Variants in DLEU7 observed in about 807,000 individuals in gnomAD.
The protein encoded by DLEU7 is deleted in lymphocytic leukemia 7.
DLEU7 carries 17 observed loss-of-function variants against 16.0 expected under a neutral mutation model. That is an observed-to-expected ratio of 1.06 (90% CI 0.73 to 1.59). The LOEUF is 1.59. Ranked by LOEUF, DLEU7 falls within the 40% of genes most tolerant of loss-of-function variation. DLEU7 has a pLI of 0.00. For missense variants in DLEU7, 308 were observed against 314.9 expected (o/e 0.98, Z 0.17); for synonymous variants, 113 against 139.8 (o/e 0.81, Z 1.35).
At chr13:50,810,026 T>C (rs1314197070) in intron 1 of DLEU7, among the ~76,000 whole-genome samples, 1 of 29,590 alleles carries the variant, frequency 3.4e-5, no homozygotes, top group African/African-American at 1.2e-4. Context: ...GGGGTAGCAC[T>C]TTTTTTTTTT....
At chr13:50,820,553 G>C (rs1037397259), downstream of DLEU7, among the ~76,000 whole-genome samples, 2 of 152,106 alleles carry the variant, frequency 1.3e-5, no homozygotes, top group African/African-American at 2.4e-5. Flanking sequence ...AGATCTGCTA[G>C]GGAGACGAGG....
chr13:50,763,916 CT>C (rs1270411790), intron 1 of DLEU7, among the ~76,000 whole-genome samples: 1 of 152,204 alleles, frequency 6.6e-6, no homozygotes, highest in Non-Finnish European at 1.5e-5. Flanking sequence ...GTGAAAACAC[CT>C]GATAAATGTC....
chr13:50,836,606 A>G (rs974247528), intron 1 of DLEU7, among the ~76,000 whole-genome samples: 1 of 151,994 alleles, frequency 6.6e-6, no homozygotes, highest in Non-Finnish European at 1.5e-5. Context: ...CCCAGGAGGC[A>G]GAGCTTGCAG....
chr13:50,761,050 A>C (rs1874913739), intron 1 of DLEU7, among the ~76,000 whole-genome samples: 1 of 152,198 alleles, frequency 6.6e-6, no homozygotes. Flanking sequence ...CATGTGGTCC[A>C]CACTGTATTT....
intron 1 of DLEU7, among the ~76,000 whole-genome samples, chr13:50,786,837 T>G (rs1392885247): frequency 6.6e-6 from 1 of 152,176 alleles, no homozygotes; most frequent in East Asian, 1.9e-4. Context: ...AGGATAAGAT[T>G]GCCAGGTTAG....
chr13:50,829,932 A>T (rs1877209156), intron 1 of DLEU7, among the ~76,000 whole-genome samples: 1 of 152,188 alleles, frequency 6.6e-6, no homozygotes, highest in Non-Finnish European at 1.5e-5. Context: ...TAAATGGCTC[A>T]TGGGCTTTCA....
chr13:50,779,617 T>C (rs1312574115), intron 1 of DLEU7, among the ~76,000 whole-genome samples: 1 of 152,092 alleles, frequency 6.6e-6, no homozygotes, highest in Non-Finnish European at 1.5e-5. Context: ...TGCAGCCCCA[T>C]GCTTATCAAG....
At chr13:50,720,937 G>T (rs1481851489) in intron 1 of DLEU7, among the ~76,000 whole-genome samples, 23 of 152,124 alleles carry the variant, frequency 1.5e-4, no homozygotes, top group Admixed American at 1.5e-3. Flanking sequence ...GGTTAATATT[G>T]AATGTCAACT....
At chr13:50,824,968 T>A (rs562776050) in intron 1 of DLEU7, among the ~76,000 whole-genome samples, 1 of 152,322 alleles carries the variant, frequency 6.6e-6, no homozygotes, top group East Asian at 1.9e-4. Flanking sequence ...ATCAGCAGTC[T>A]CCAACATTTT....
chr13:50,777,933 G>A (rs371747605), intron 1 of DLEU7, among the ~76,000 whole-genome samples: 4 of 152,140 alleles, frequency 2.6e-5, no homozygotes, highest in African/African-American at 7.2e-5. Flanking sequence ...GAACACCGCA[G>A]TGGGCATCAG....
chr13:50,719,256 C>T (rs2137704687), intron 1 of DLEU7, among the ~76,000 whole-genome samples: 1 of 152,274 alleles, frequency 6.6e-6, no homozygotes, highest in Non-Finnish European at 1.5e-5. Context: ...ACTATCAGGA[C>T]TCTAGCCAGC....
intron 1 of DLEU7, among the ~76,000 whole-genome samples, chr13:50,791,117 A>G (rs994394594): frequency 6.6e-6 from 1 of 152,140 alleles, no homozygotes; most frequent in Non-Finnish European, 1.5e-5. Flanking sequence ...ACCATCATGC[A>G]TCCAACCTGT....
At chr13:50,816,745 G>T (rs921149714) in intron 1 of DLEU7, among the ~76,000 whole-genome samples, 5 of 152,110 alleles carry the variant, frequency 3.3e-5, no homozygotes, top group South Asian at 2.1e-4. Context: ...CAAACCAAGT[G>T]CATTTGAGGA....
intron 1 of DLEU7, among the ~76,000 whole-genome samples, chr13:50,830,002 A>C (rs765947370): frequency 2.6e-5 from 4 of 152,214 alleles, no homozygotes; most frequent in Admixed American, 6.5e-5. Context: ...TCCATTCAAC[A>C]ACAAAGCCTA....
chr13:50,752,493 C>T (rs182685652), intron 1 of DLEU7, among the ~76,000 whole-genome samples: 56 of 151,656 alleles, frequency 3.7e-4, no homozygotes, highest in Admixed American at 1.6e-3. Context: ...AGAATGAAGC[C>T]GTGGACCCTC....
intron 1 of DLEU7, among the ~76,000 whole-genome samples, chr13:50,842,734 C>T (rs1280974490): frequency 6.6e-6 from 1 of 152,152 alleles, no homozygotes; most frequent in Non-Finnish European, 1.5e-5. Context: ...TGTGAAGGAA[C>T]TTTAAATAAA....
At chr13:50,712,721 T>G (rs1873327098) in exon 2 of DLEU7, 1 of 155,076 alleles carries the variant, frequency 6.4e-6, no homozygotes, top group African/African-American at 2.4e-5. Flanking sequence ...AGCATTCTGA[T>G]GTAACGACTT....
chr13:50,745,696 C>G (rs984566037), intron 1 of DLEU7, among the ~76,000 whole-genome samples: 1 of 152,048 alleles, frequency 6.6e-6, no homozygotes, highest in South Asian at 2.1e-4. Flanking sequence ...GAAATGAAAC[C>G]GAGTGACAGC....
chr13:50,833,218 A>C (rs749703310), intron 1 of DLEU7, among the ~76,000 whole-genome samples: 20 of 152,196 alleles, frequency 1.3e-4, no homozygotes, highest in Non-Finnish European at 2.9e-4. Flanking sequence ...CAAGAGAAAG[A>C]AATAAAGCGT....
Sources: allele counts gnomAD v4.1 joint callset (sites outside exome capture counted in the v4.1 genomes callset), GRCh38; gene constraint gnomAD v4.1.1; transcripts MANE v1.5; gene names NCBI Gene and HGNC (gene_info 2026-07-23, HGNC 2026-07-21).